Variants in RSU1 observed in about 807,000 individuals in gnomAD.
RSU1 encodes Ras suppressor protein 1.
A neutral mutation model predicts 31.1 loss-of-function variants in RSU1; 26 were observed. The observed-to-expected ratio is 0.84, with a 90% CI of 0.61 to 1.16. The LOEUF (loss-of-function observed/expected upper bound fraction) is 1.16. Among genes scored for constraint, RSU1 ranks in the 50% most tolerant of loss-of-function variants. The pLI, the probability that RSU1 is intolerant of heterozygous loss-of-function variation, is 0.00. For missense variants in RSU1, 320 were observed against 339.1 expected, an observed-to-expected ratio of 0.94 and a Z score of 0.44; for synonymous variants, 164 against 136.3, an observed-to-expected ratio of 1.20 and a Z score of -1.41.
intron 6 of RSU1, 102 bp from the exon 7 acceptor site, chr10:16,752,755 T>C: frequency 9.5e-7 from 1 of 1,057,844 alleles, no homozygotes; most frequent in Non-Finnish European, 1.4e-6. Flanking sequence ...GCTCAATCCT[T>C]TCCATGTATT....
chr10:16,799,242 TAG>T (rs1352660744), intron 2 of RSU1, among the ~76,000 whole-genome samples: 2 of 152,140 alleles, frequency 1.3e-5, no homozygotes, highest in Non-Finnish European at 2.9e-5. Context: ...GGTTAGCAAA[TAG>T]AGATTCTGGA....
intron 8 of RSU1, among the ~76,000 whole-genome samples, chr10:16,666,786 A>G (rs1279779122): frequency 6.6e-6 from 1 of 152,058 alleles, no homozygotes; most frequent in Non-Finnish European, 1.5e-5. Flanking sequence ...TCAGGAGTTC[A>G]AGACCAGCCT....
chr10:16,599,434 C>G (rs922444007), intron 8 of RSU1, among the ~76,000 whole-genome samples: 8 of 152,168 alleles, frequency 5.3e-5, no homozygotes, highest in African/African-American at 1.9e-4. Flanking sequence ...TCATGTGGTA[C>G]CTGTCTGGCC....
At chr10:16,805,462 G>A (rs1838246335) in intron 2 of RSU1, among the ~76,000 whole-genome samples, 1 of 151,914 alleles carries the variant, frequency 6.6e-6, no homozygotes, top group Non-Finnish European at 1.5e-5. Flanking sequence ...ACGACGTGAG[G>A]AGATCGAGAC....
intron 7 of RSU1, among the ~76,000 whole-genome samples, chr10:16,727,398 T>A (rs1048067680): frequency 6.6e-6 from 1 of 152,110 alleles, no homozygotes; most frequent in Admixed American, 6.6e-5. Context: ...TGAAGGCCAA[T>A]TAAAGTTCAA....
intron 8 of RSU1, among the ~76,000 whole-genome samples, chr10:16,662,741 C>G (rs1358000302): frequency 6.6e-6 from 1 of 152,172 alleles, no homozygotes. Flanking sequence ...TAGATATTAT[C>G]TGATCACTCA....
At chr10:16,750,488 G>A (rs1836955545) in intron 7 of RSU1, among the ~76,000 whole-genome samples, 1 of 152,118 alleles carries the variant, frequency 6.6e-6, no homozygotes, top group African/African-American at 2.4e-5. Flanking sequence ...ATTTAAATAA[G>A]ATAAGCAAAA....
At chr10:16,796,705 C>T (rs1057475202) in intron 2 of RSU1, among the ~76,000 whole-genome samples, 3 of 151,226 alleles carry the variant, frequency 2.0e-5, no homozygotes, top group Non-Finnish European at 4.4e-5. Context: ...CCCACTGTAC[C>T]AAGGAGGAAA....
In RSU1 at chr10:16,684,657, T is replaced by C. The variant is rs564688958; in HGVS notation, c.731+10366A>G. On this transcript the variant is annotated intron_variant, in intron 8 of 8. Transcript: ENST00000345264. ...GAAAAAACCAATCCTGCTGACACCTTGATCTGGGACTTCCGGCCTCTAGAA... is the reference window on the plus strand; with the variant it reads ...GAAAAAACCAATCCTGCTGACACCTCGATCTGGGACTTCCGGCCTCTAGAA... Among the ~76,000 whole-genome samples, 6 of 152,278 alleles carry C rather than the reference T, an allele frequency of 3.9e-5. No individual in the cohort carries two copies. In the South Asian group the frequency reaches 1.2e-3, roughly 32 times the overall value.
chr10:16,724,934 G>A (rs1836353732), intron 7 of RSU1, among the ~76,000 whole-genome samples: 1 of 152,186 alleles, frequency 6.6e-6, no homozygotes, highest in Non-Finnish European at 1.5e-5. Flanking sequence ...ATACTGAATG[G>A]TTCCGTTCAT....
intron 2 of RSU1, among the ~76,000 whole-genome samples, chr10:16,809,729 A>G (rs1210338226): frequency 6.6e-6 from 1 of 152,196 alleles, no homozygotes; most frequent in East Asian, 1.9e-4. Context: ...TCTTTCAACT[A>G]GGTTCATGTG....
At chr10:16,608,872 G>A (rs1043813787) in intron 8 of RSU1, among the ~76,000 whole-genome samples, 2 of 152,132 alleles carry the variant, frequency 1.3e-5, no homozygotes, top group Non-Finnish European at 2.9e-5. Flanking sequence ...ACAGGGTCTT[G>A]ATCTGTTGCC....
chr10:16,705,136 G>A lies in RSU1; in HGVS notation c.599-9981C>T, dbSNP rs758435433. Among the ~76,000 whole-genome samples the A allele has an allele frequency of 4.2e-4, 64 of 151,964 alleles. No individual in the cohort carries two copies. The Middle Eastern group carries it at 0.01, about 24-fold the overall frequency. ...GAATAACACAGCATTTTTTCTTTTG[G>A]ACTGGCTTATTTCACTTCATATAAT... On this transcript the variant is annotated intron_variant, in intron 7 of 8. Coordinates refer to ENST00000345264, the MANE Select transcript of RSU1 (RefSeq NM_012425.4).
chr10:16,658,715 C>A (rs1310755082), intron 8 of RSU1, among the ~76,000 whole-genome samples: 1 of 152,112 alleles, frequency 6.6e-6, no homozygotes, highest in African/African-American at 2.4e-5. Flanking sequence ...CAGAGTGAGA[C>A]CCCATCTCTA....
intron 8 of RSU1, among the ~76,000 whole-genome samples, chr10:16,603,377 A>G (rs1833745671): frequency 1.3e-5 from 2 of 152,244 alleles, no homozygotes. Context: ...ATCATGCAAA[A>G]AAGATGCTCA....
chr10:16,766,853 A>AAAAT (rs769546811), intron 3 of RSU1, among the ~76,000 whole-genome samples: 13 of 148,692 alleles, frequency 8.7e-5, no homozygotes, highest in Admixed American at 3.4e-4. Flanking sequence ...ATCTCTACAA[A>AAAAT]AAATAAATAA....
chr10:16,726,355 C>A (rs1836394146), intron 7 of RSU1, among the ~76,000 whole-genome samples: 1 of 151,230 alleles, frequency 6.6e-6, no homozygotes, highest in Admixed American at 6.6e-5. Context: ...ACAACCTCAG[C>A]CTCCCAGGTT....
intron 7 of RSU1, among the ~76,000 whole-genome samples, chr10:16,731,175 A>T (rs915650665): frequency 3.3e-5 from 5 of 152,270 alleles, no homozygotes; most frequent in Admixed American, 2.6e-4. Context: ...ATGTTCCATC[A>T]TCTACTAGTT....
At chr10:16,735,772 T>A (rs771701218) in intron 7 of RSU1, among the ~76,000 whole-genome samples, 1 of 152,068 alleles carries the variant, frequency 6.6e-6, no homozygotes, top group Non-Finnish European at 1.5e-5. Context: ...AAGAACTCAC[T>A]ATCACAAGAA....
Sources: gnomAD v4.1 joint callset for allele counts (sites outside exome capture counted in the v4.1 genomes callset) on GRCh38, gnomAD v4.1.1 for gene constraint, MANE v1.5 for transcripts, NCBI Gene and HGNC (gene_info 2026-07-23, HGNC 2026-07-21) for gene names.